The following EGFLAM variants were observed in gnomAD, a reference collection of about 807,000 sequenced individuals.
EGFLAM encodes EGF like, fibronectin type III and laminin G domains.
EGFLAM carries 79 observed loss-of-function variants against 113.1 expected under a neutral mutation model. The ratio of observed to expected loss-of-function variants is 0.70; its 90% CI spans 0.58 to 0.84. The LOEUF (loss-of-function observed/expected upper bound fraction) is 0.84, where lower values mean the gene tolerates loss of function less well. EGFLAM is among the 40% of genes least tolerant of loss of function. The probability of loss-of-function intolerance (pLI) is 0.00; values close to 1 mark genes in which losing one functional copy is unlikely to be tolerated. For synonymous variants in EGFLAM, 504 were observed against 487.6 expected, an observed-to-expected ratio of 1.03 and a Z score of -0.44; for missense variants, 1,265 against 1,291.6, an observed-to-expected ratio of 0.98 and a Z score of 0.32.
chr5:38,451,102 G>A (rs961353291), intron 18 of EGFLAM, among the ~76,000 whole-genome samples: 4 of 152,236 alleles, frequency 2.6e-5, no homozygotes, highest in Admixed American at 2.0e-4. Context: ...ATGCTCTCTG[G>A]TGGGGTTCAC....
At chr5:38,306,241 A>T (rs1371911773) in intron 1 of EGFLAM, among the ~76,000 whole-genome samples, 1 of 152,222 alleles carries the variant, frequency 6.6e-6, no homozygotes, top group Non-Finnish European at 1.5e-5. Flanking sequence ...AATTACTGTG[A>T]TTTTTTTAAA....
In EGFLAM at chr5:38,352,328, T is replaced by C. The variant is rs767197190; in HGVS notation, c.542T>C (p.Ile181Thr). The C allele has an allele frequency of 6.2e-7, 1 of 1,613,962 alleles. No homozygotes were observed. Among genetic ancestry groups the C allele is most frequent in the East Asian group, 2.2e-5 (1 of 44,860 alleles). The change falls in exon 5 of 22, where the codon ATC (isoleucine) becomes ACC (threonine). Residue 181 changes from isoleucine to threonine, a missense_variant. Transcript: ENST00000322350. ...APIQYYSVEF[I>T]RPDFDKKWTS... is the part of the protein sequence containing the mutation. ...ATTCAGTACTATTCTGTGGAATTCA[T>C]CAGGTAAGTCTGTATGTCACATTCA...
At chr5:38,361,488 C>T (rs1255802341) in intron 5 of EGFLAM, among the ~76,000 whole-genome samples, 1 of 152,138 alleles carries the variant, frequency 6.6e-6, no homozygotes, top group Non-Finnish European at 1.5e-5. Context: ...TGCTGGTAAG[C>T]ATTTGGACAC....
intron 1 of EGFLAM, 70 bp downstream of exon 1, chr5:38,258,921 G>A: frequency 6.7e-7 from 1 of 1,494,356 alleles, no homozygotes; most frequent in Non-Finnish European, 9.0e-7. Flanking sequence ...CGAGGACACA[G>A]AGCGGGCAGC....
At chr5:38,407,743 A>AT in intron 8 of EGFLAM, 62 bp from the exon 9 acceptor site, 2 of 1,299,418 alleles carry the variant, frequency 1.5e-6, no homozygotes, top group Non-Finnish European at 2.2e-6. Flanking sequence ...TTGTATATTG[A>AT]TTTTTGCTTT....
Position 38,417,335 on chromosome 5 carries a change from G to A in EGFLAM, c.1495-731G>A, listed in dbSNP as rs556072888. Among the ~76,000 whole-genome samples the A allele has an allele frequency of 4.1e-3, 482 of 116,364 alleles. 1 individual carries two copies. Among genetic ancestry groups the A allele is most frequent in the African/African-American group, 0.015 (449 of 29,616 alleles). 76.3% of individuals were successfully genotyped at this position (116,364 alleles called of 152,430 possible). On this transcript the variant is annotated intron_variant, in intron 11 of 21. Coordinates refer to ENST00000322350, the MANE Select transcript of EGFLAM (RefSeq NM_152403.4). The stretch of plus-strand genomic sequence containing the variant: ...TGCACTCCAGCCTGGGAGACAGAGC[G>A]AGACTCTGTCTCAAAAAAAAAAAAA...
chr5:38,404,345 G>T (rs1447382803), intron 6 of EGFLAM, among the ~76,000 whole-genome samples: 2 of 152,180 alleles, frequency 1.3e-5, no homozygotes, highest in East Asian at 1.9e-4. Context: ...TTATTAAAGA[G>T]GCCCAAAGGG....
rs367591745 is a variant in EGFLAM at position 38,397,333 on chromosome 5, C to T, written c.713-8793C>T. Among the ~76,000 whole-genome samples the T allele has an allele frequency of 3.5e-4, 54 of 152,322 alleles. 1 individual carries two copies. Among genetic ancestry groups the T allele is most frequent in the African/African-American group, 1.2e-3 (50 of 41,564 alleles). On this transcript the variant is annotated intron_variant, in intron 6 of 21. Coordinates refer to ENST00000322350, the MANE Select transcript of EGFLAM (RefSeq NM_152403.4). The stretch of plus-strand genomic sequence containing the variant: ...TCCACATCTTTGCAGTCCCTGAGTT[C>T]CTGTGCTGGCTGGTGTTGAGCAGGC...
rs562675870 is a variant in EGFLAM at position 38,356,214 on chromosome 5, T to C, written c.545+3883T>C. ...GAATTCCAAATGGAACATGGGAATATGGGAAGGCCCAGTCACTTGTTACAT... is the reference window on the plus strand; with the variant it reads ...GAATTCCAAATGGAACATGGGAATACGGGAAGGCCCAGTCACTTGTTACAT... On this transcript the variant is annotated intron_variant, in intron 5 of 21. Coordinates refer to ENST00000322350, the MANE Select transcript of EGFLAM (RefSeq NM_152403.4). 2.0e-5 allele frequency among the ~76,000 whole-genome samples: 3 copies of C among 152,366 alleles called. No homozygotes were observed. In the South Asian group the frequency reaches 6.2e-4, roughly 32 times the overall value.
At chr5:38,352,822 C>T (rs1387901634) in intron 5 of EGFLAM, among the ~76,000 whole-genome samples, 1 of 152,114 alleles carries the variant, frequency 6.6e-6, no homozygotes, top group Non-Finnish European at 1.5e-5. Flanking sequence ...GTTGGTGGGT[C>T]ATCTGGTAAA....
At chr5:38,344,975 G>A (rs543747437) in intron 3 of EGFLAM, among the ~76,000 whole-genome samples, 2 of 152,352 alleles carry the variant, frequency 1.3e-5, no homozygotes, top group South Asian at 4.1e-4. Context: ...TCTATTATGA[G>A]AAAGGAGAGA....
chr5:38,338,987 T>G (rs1739265136), intron 3 of EGFLAM, among the ~76,000 whole-genome samples: 1 of 152,116 alleles, frequency 6.6e-6, no homozygotes, highest in Admixed American at 6.5e-5. Flanking sequence ...GACGAAAGAG[T>G]CCTGGCGTAA....
chr5:38,424,832 G>A, intron 12 of EGFLAM, 135 bp from the exon 13 acceptor site: 6 of 1,232,760 alleles, frequency 4.9e-6, no homozygotes, highest in Non-Finnish European at 6.6e-6. Flanking sequence ...TTGCAGTTGT[G>A]CAGAGCTGCA....
Position 38,385,302 on chromosome 5 carries a change from C to G in EGFLAM, c.712+14840C>G, listed in dbSNP as rs1051243915. Among the ~76,000 whole-genome samples the G allele has an allele frequency of 6.2e-4, 86 of 139,156 alleles. 1 individual carries two copies. In the South Asian group the frequency reaches 0.012, roughly 20 times the overall value. 91.3% of individuals were successfully genotyped at this position (139,156 alleles called of 152,430 possible). ...CACCCCCCCCCCCCGCCCCCGCCAC[C>G]GCCAACAAACACCAACATCCAAAGA... On this transcript the variant is annotated intron_variant, in intron 6 of 21. Transcript: ENST00000322350.
intron 12 of EGFLAM, among the ~76,000 whole-genome samples, chr5:38,424,534 G>A (rs1741936025): frequency 6.6e-6 from 1 of 152,146 alleles, no homozygotes; most frequent in Non-Finnish European, 1.5e-5. Context: ...GAACCAACAA[G>A]GCAGCAGCAC....
intron 15 of EGFLAM, among the ~76,000 whole-genome samples, chr5:38,434,387 G>A (rs948397054): frequency 6.6e-6 from 1 of 152,192 alleles, no homozygotes; most frequent in Admixed American, 6.5e-5. Context: ...ATAAACCCCT[G>A]CAGGGCAGGA....
chr5:38,337,816 T>C (rs1416604451), intron 2 of EGFLAM, among the ~76,000 whole-genome samples, 187 bp downstream of exon 2: 1 of 152,228 alleles, frequency 6.6e-6, no homozygotes, highest in Admixed American at 6.5e-5. Context: ...ACATCACATC[T>C]GCATTACTCA....
chr5:38,399,764 C>G (rs1741058437), intron 6 of EGFLAM: 1 of 152,190 alleles, frequency 6.6e-6, no homozygotes, highest in Admixed American at 6.5e-5. Context: ...GTGTTCCTCC[C>G]TTGTTGTTGC....
At chr5:38,316,543 AG>A (rs1738599633) in intron 1 of EGFLAM, among the ~76,000 whole-genome samples, 2 of 152,248 alleles carry the variant, frequency 1.3e-5, no homozygotes, top group Non-Finnish European at 2.9e-5. Flanking sequence ...CAAAGCTCCA[AG>A]AACTGCTACT....
Sources: gnomAD v4.1 joint callset for allele counts (sites outside exome capture counted in the v4.1 genomes callset) on GRCh38, gnomAD v4.1.1 for gene constraint, MANE v1.5 for transcripts, NCBI Gene and HGNC (gene_info 2026-07-23, HGNC 2026-07-21) for gene names.